Variants in FZR1 observed in about 807,000 individuals in gnomAD.
FZR1 encodes the protein fizzy and cell division cycle 20 related 1.
FZR1 carries 11 observed loss-of-function variants against 63.6 expected under a neutral mutation model. The observed-to-expected ratio is 0.17, with a 90% CI of 0.11 to 0.29. The LOEUF (loss-of-function observed/expected upper bound fraction) is 0.29, where lower values mean the gene tolerates loss of function less well. Ranked by LOEUF, FZR1 falls within the 10% of genes least tolerant of loss-of-function variation. The probability of loss-of-function intolerance (pLI) is 1.00; values close to 1 mark genes in which losing one functional copy is unlikely to be tolerated. For synonymous variants in FZR1, 328 were observed against 297.9 expected, an observed-to-expected ratio of 1.10 and a Z score of -1.04; for missense variants, 440 against 687.5, an observed-to-expected ratio of 0.64 and a Z score of 4.03.
At chr19:3,518,584 G>A (rs1489170322) in intron 1 of FZR1, among the ~76,000 whole-genome samples, 1 of 152,158 alleles carries the variant, frequency 6.6e-6, no homozygotes, top group Non-Finnish European at 1.5e-5. Context: ...GTGCCCATGG[G>A]TCCCTCTGCG....
chr19:3,511,143 T>C (rs1373838752), intron 1 of FZR1, among the ~76,000 whole-genome samples: 1 of 152,234 alleles, frequency 6.6e-6, no homozygotes, highest in Non-Finnish European at 1.5e-5. Context: ...CTGCAGCCTT[T>C]TGTGCTGCCG....
chr19:3,518,436 C>T (rs1378953498), intron 1 of FZR1, among the ~76,000 whole-genome samples: 1 of 152,210 alleles, frequency 6.6e-6, no homozygotes, highest in Non-Finnish European at 1.5e-5. Context: ...GCCAAGGGTG[C>T]TGAAAGTACA....
rs1174782457 is a variant in FZR1, at chr19:3,532,594, A to G, written c.1186A>G (p.Ile396Val). 6.2e-7 allele frequency: 1 copy of G among 1,612,750 alleles called. No individual in the cohort carries two copies. Among genetic ancestry groups the G allele is most frequent in the South Asian group, 1.1e-5 (1 of 91,088 alleles). ...GCTGACAGGACAACCACTGCAGTGTATCGACACGGGCTCCCAAGTGTGCAA... is the reference window on the plus strand; with the variant it reads ...GCTGACAGGACAACCACTGCAGTGTGTCGACACGGGCTCCCAAGTGTGCAA... The part of the protein sequence containing the change: ...NTLTGQPLQC[I>V]DTGSQVCNLA... The change falls in exon 11 of 14, where the codon ATC becomes GTC. Residue 396 changes from isoleucine (I) to valine (V), a missense_variant. By Grantham distance (29) the Ile-to-Val change is conservative. Transcript: ENST00000441788.
intron 1 of FZR1, among the ~76,000 whole-genome samples, chr19:3,512,846 C>T (rs370449814): frequency 1.6e-4 from 24 of 152,312 alleles, no homozygotes; most frequent in African/African-American, 2.9e-4. Flanking sequence ...CTTGTGAAGC[C>T]GTGCTTCATA....
rs1284843505 is a variant in FZR1 at position 3,514,898 on chromosome 19, C to T, written c.-34-8058C>T. ...CTCGAGACTGAAGGCTTGCCCGGGG[C>T]AGTGGCAGAAGGAGGCCTCCTGGCT... On this transcript the variant is annotated intron_variant, in intron 1 of 13. Transcript: ENST00000441788. This position sits in a 1 kb window ranked among gnomAD's most constrained non-coding sequence, Gnocchi z 4.2. 6.6e-6 allele frequency among the ~76,000 whole-genome samples: 1 copy of T among 152,206 alleles called. No individual in the cohort carries two copies. Among genetic ancestry groups the T allele is most frequent in the African/African-American group, 2.4e-5 (1 of 41,446 alleles).
At position 3,534,951 on chromosome 19, in the gene FZR1, G is replaced by C. The variant is rs565014967; in HGVS notation, c.*115G>C. ...TGTCCCCCGAGGAAGGCGGCTGGGC[G>C]GGCGGGGAGCTGGGCCTGGAGGATC... is the stretch of plus-strand genomic sequence containing the variant. On this transcript the variant is annotated 3_prime_UTR_variant, in exon 14 of 14. Coordinates refer to ENST00000441788, the MANE Select transcript of FZR1 (RefSeq NM_016263.4). 2 of 846,164 alleles carry C rather than the reference G, an allele frequency of 2.4e-6. No homozygotes were observed. The highest frequency in any genetic ancestry group is 1.4e-5 in the South Asian group (1 of 72,986). 52.4% of individuals were successfully genotyped at this position (846,164 alleles called of 1,614,324 possible). A position where few individuals can be genotyped will look rare whatever the true frequency, so the allele number is the denominator to read the frequency against.
In FZR1 at chr19:3,508,205, T is replaced by TC. The variant is rs564163519; in HGVS notation, c.-35+1731_-35+1732insC. ...GGTGGGGCTACATTGATTTTCTTTT[T>TC]TTTTTTTTTTTTTTTTGAGATGGAG... On this transcript the variant is annotated intron_variant, in intron 1 of 13. Coordinates refer to ENST00000441788, the MANE Select transcript of FZR1 (RefSeq NM_016263.4). Among the ~76,000 whole-genome samples the TC allele has an allele frequency of 4.5e-3, 648 of 143,748 alleles. 14 individuals are homozygous for TC. The highest frequency in any genetic ancestry group is 0.016 in the African/African-American group (621 of 38,590). 94.3% of individuals were successfully genotyped at this position (143,748 alleles called of 152,430 possible). A position where few individuals can be genotyped will look rare whatever the true frequency, so the allele number is the denominator to read the frequency against.
chr19:3,506,975 G>T (rs1056951967), intron 1 of FZR1, among the ~76,000 whole-genome samples: 2 of 152,018 alleles, frequency 1.3e-5, no homozygotes, highest in African/African-American at 4.8e-5. Flanking sequence ...TGTGGTGTGC[G>T]ATGGCTCGCC....
At position 3,526,411 on chromosome 19, in the gene FZR1, G is replaced by C. The variant is rs202225112; in HGVS notation, c.387+25G>C. ...GGTAAGCCTGCGGCACCCCCCACCC[G>C]GGAGCTGGCTCCCAGTGCAGCCTCC... On this transcript the variant is annotated intron_variant, in intron 5 of 13. Transcript: ENST00000441788. This position sits in a 1 kb window ranked among gnomAD's most constrained non-coding sequence, Gnocchi z 5.4. 3.2e-5 allele frequency: 49 copies of C among 1,542,622 alleles called. No individual in the cohort carries two copies. In the East Asian group the frequency reaches 1.1e-3, roughly 36 times the overall value.
chr19:3,514,256 C>T lies in FZR1; in HGVS notation c.-35+7782C>T, dbSNP rs978123447. Among the ~76,000 whole-genome samples, 4 of 152,344 alleles carry T rather than the reference C, an allele frequency of 2.6e-5. No homozygotes were observed. The South Asian group carries it at 6.2e-4, about 24-fold the overall frequency. On this transcript the variant is annotated intron_variant, in intron 1 of 13. Transcript: ENST00000441788. The surrounding 1 kb of genome is among the most constrained non-coding windows in gnomAD (Gnocchi z 4.2). ...CATCGGCTCCCTTTCCTCCTCTCCC[C>T]ACTGGTGCAGTGGGGATGGGGCTGG... is the stretch of plus-strand genomic sequence containing the variant.
chr19:3,522,961 C>G lies in FZR1; in HGVS notation c.-29C>G, dbSNP rs2083116778. Reference sequence around the variant, plus strand: ...TCCTGCCCTTCCCGCTGCAGGCTAACCTTGCCGCGGGCCGAGCCCTGCCTC... The same window carrying G: ...TCCTGCCCTTCCCGCTGCAGGCTAAGCTTGCCGCGGGCCGAGCCCTGCCTC... On this transcript the variant is annotated 5_prime_UTR_variant, in exon 2 of 14. Coordinates refer to ENST00000441788, the MANE Select transcript of FZR1 (RefSeq NM_016263.4). 1 of 1,567,972 alleles carries G rather than the reference C, an allele frequency of 6.4e-7. No homozygotes were observed. The highest frequency in any genetic ancestry group is 8.8e-7 in the Non-Finnish European group (1 of 1,139,046).
At chr19:3,531,291 GCTCA>G (rs1327673119) in intron 8 of FZR1, among the ~76,000 whole-genome samples, 2 of 152,178 alleles carry the variant, frequency 1.3e-5, no homozygotes, top group African/African-American at 2.4e-5. Flanking sequence ...ACTCGTAACC[GCTCA>G]CTGTGTCCAG....
chr19:3,526,051 G>A lies in FZR1; in HGVS notation c.195+58G>A. The A allele has an allele frequency of 1.2e-6, 2 of 1,611,802 alleles. No homozygotes were observed. The highest frequency in any genetic ancestry group is 1.7e-6 in the Non-Finnish European group (2 of 1,179,368). ...CCCGGGAAGCCCAGGGCCCCTCCCA[G>A]CCTCCTTGCTCTAGGGCCGGGAACA... On this transcript the variant is annotated intron_variant, in intron 3 of 13. Transcript: ENST00000441788. This position sits in a 1 kb window ranked among gnomAD's most constrained non-coding sequence, Gnocchi z 5.4.
Position 3,535,066 on chromosome 19 carries a change from T to C in FZR1, c.*230T>C, listed in dbSNP as rs2083283161. On this transcript the variant is annotated 3_prime_UTR_variant, in exon 14 of 14. Coordinates refer to ENST00000441788, the MANE Select transcript of FZR1 (RefSeq NM_016263.4). ...CGGGGACCCTCAGCAGCAGGGGCTC[T>C]GTCTCCCTTCCCAAAGGGCGAGAAC... 1.7e-6 allele frequency: 1 copy of C among 582,124 alleles called. No homozygotes were observed. Among genetic ancestry groups the C allele is most frequent in the African/African-American group, 1.9e-5 (1 of 53,402 alleles). 36.1% of individuals were successfully genotyped at this position (582,124 alleles called of 1,614,324 possible). A position where few individuals can be genotyped will look rare whatever the true frequency, so the allele number is the denominator to read the frequency against.
chr19:3,531,863 C>T, intron 9 of FZR1, 47 bp downstream of exon 9: 1 of 1,554,978 alleles, frequency 6.4e-7, no homozygotes, highest in Non-Finnish European at 8.7e-7. Context: ...GAGGCCCCAG[C>T]TCCGCGAGGG....
intron 1 of FZR1, among the ~76,000 whole-genome samples, chr19:3,517,029 G>A (rs1029610327): frequency 6.6e-6 from 1 of 152,254 alleles, no homozygotes; most frequent in Non-Finnish European, 1.5e-5. Flanking sequence ...GACTCTGCCA[G>A]CAAGTGCCTC....
At chr19:3,523,156 C>T (rs2083119603) in intron 2 of FZR1, 98 bp downstream of exon 2, 1 of 811,184 alleles carries the variant, frequency 1.2e-6, no homozygotes, top group African/African-American at 1.7e-5. Flanking sequence ...CACTAAAGCC[C>T]CACGGACCAC....
intron 11 of FZR1, among the ~76,000 whole-genome samples, chr19:3,532,953 A>G (rs1331327709): frequency 6.6e-6 from 1 of 151,510 alleles, no homozygotes; most frequent in Admixed American, 6.6e-5. Flanking sequence ...CCCAGGATGA[A>G]GCGGGCTCCA....
At chr19:3,512,446 A>G (rs1452957802) in intron 1 of FZR1, among the ~76,000 whole-genome samples, 1 of 152,162 alleles carries the variant, frequency 6.6e-6, no homozygotes, top group Non-Finnish European at 1.5e-5. Context: ...AAGCTGCCCA[A>G]AGCTTCGTGG....
Sources: gnomAD v4.1 joint callset for allele counts (sites outside exome capture counted in the v4.1 genomes callset) on GRCh38, gnomAD v4.1.1 for gene constraint, Gnocchi (gnomAD v3.1) non-coding constraint, MANE v1.5 for transcripts, NCBI Gene and HGNC (gene_info 2026-07-23, HGNC 2026-07-21) for gene names.